SNF8: variants seen among roughly 807,000 people sequenced by gnomAD.
The protein encoded by SNF8 is vacuolar-sorting protein SNF8.
In SNF8, 19 loss-of-function variants were observed where a neutral mutation model predicts 36.8. The ratio of observed to expected loss-of-function variants is 0.52; its 90% confidence interval spans 0.36 to 0.76. The LOEUF is 0.76. SNF8 is among the 30% of genes least tolerant of loss of function. The pLI is 0.00. For synonymous variants in SNF8, 127 were observed against 127.4 expected (o/e 1.00, Z 0.02); for missense variants, 268 against 322.9 (o/e 0.83, Z 1.30).
chr17:48,936,458 AC>A, intron 4 of SNF8, among the ~76,000 whole-genome samples: 1 of 152,354 alleles, frequency 6.6e-6, no homozygotes, highest in Non-Finnish European at 1.5e-5. Flanking sequence ...AAATCTAAAA[AC>A]AAAAGCAGTA....
chr17:48,938,949 A>G (rs2040979397), intron 3 of SNF8, among the ~76,000 whole-genome samples: 1 of 151,704 alleles, frequency 6.6e-6, no homozygotes, highest in African/African-American at 2.4e-5. Context: ...ATTGTTATTC[A>G]TTGTTTGAGA....
intron 5 of SNF8, 186 bp from the exon 6 acceptor site, chr17:48,933,532 A>G: frequency 1.6e-6 from 1 of 628,916 alleles, no homozygotes; most frequent in South Asian, 2.0e-5. Flanking sequence ...GCTTGAGCCC[A>G]GGGGTTAGAG....
At chr17:48,944,127 C>G (rs917811442) in intron 1 of SNF8, 152 bp from the exon 2 acceptor site, 7 of 629,868 alleles carry the variant, frequency 1.1e-5, no homozygotes, top group African/African-American at 5.5e-5. Context: ...ACAGTGAAAC[C>G]CCGTCTCTAC....
intron 4 of SNF8, chr17:48,936,677 C>T (rs2040938726): frequency 5.8e-6 from 2 of 346,066 alleles, no homozygotes. Context: ...TCCCATACGT[C>T]GGAGAGACAG....
intron 3 of SNF8, chr17:48,937,390 C>G (rs1273110957): frequency 3.5e-6 from 2 of 575,896 alleles, no homozygotes; most frequent in Non-Finnish European, 6.5e-6. Flanking sequence ...CACTTTGGGA[C>G]ATCGAGCTAG....
chr17:48,944,580 G>C, intron 1 of SNF8, 101 bp downstream of exon 1: 1 of 1,317,768 alleles, frequency 7.6e-7, no homozygotes, highest in Non-Finnish European at 1.1e-6. Context: ...GCCAGTCTCA[G>C]ATTCTGTTGG....
chr17:48,932,988 A>C, intron 6 of SNF8: 1 of 454,084 alleles, frequency 2.2e-6, no homozygotes, highest in South Asian at 5.6e-5. Context: ...TGAGAGCAGG[A>C]ATTTTATCAT....
intron 2 of SNF8, among the ~76,000 whole-genome samples, chr17:48,942,382 T>C (rs2041043196): frequency 6.6e-6 from 1 of 152,050 alleles, no homozygotes; most frequent in South Asian, 2.1e-4. Flanking sequence ...AATCACCATT[T>C]TCAGTTGATT....
chr17:48,930,759 T>A, intron 7 of SNF8, 147 bp from the exon 8 acceptor site: 1 of 814,036 alleles, frequency 1.2e-6, no homozygotes, highest in Non-Finnish European at 1.9e-6. Flanking sequence ...CACAACCAAC[T>A]AAACGAGCTG....
rs781489534 is a variant in SNF8 at position 48,943,912 on chromosome 17, C to A, written c.105+13G>T. ...GGTCTCCCTCCCTGCCTGGGGCCCC[C>A]CAACCGACTTACCTGGGCTAGCTGG... On this transcript the variant is annotated intron_variant, in intron 2 of 7. Transcript: ENST00000502492. The A allele has an allele frequency of 6.2e-7, 1 of 1,613,870 alleles. No homozygotes were observed. The highest frequency in any genetic ancestry group is 1.1e-5 in the South Asian group (1 of 91,086).
Position 48,942,324 on chromosome 17 carries a change from C to T in SNF8, c.106-1262G>A, listed in dbSNP as rs186027562. 4.6e-3 allele frequency among the ~76,000 whole-genome samples: 616 copies of T among 133,908 alleles called. 8 individuals are homozygous for T. Among genetic ancestry groups the T allele is most frequent in the African/African-American group, 0.019 (595 of 30,944 alleles). 87.8% of individuals were successfully genotyped at this position (133,908 alleles called of 152,430 possible). On this transcript the variant is annotated intron_variant, in intron 2 of 7. Transcript: ENST00000502492. Reference sequence around the variant, plus strand: ...TGCACTCCAGCCTGGGCAACAAGAGCGAAACTTGGTCTCAAAAAAAAAAAA... The same window carrying T: ...TGCACTCCAGCCTGGGCAACAAGAGTGAAACTTGGTCTCAAAAAAAAAAAA...
intron 2 of SNF8, among the ~76,000 whole-genome samples, chr17:48,942,025 A>G (rs1169921917): frequency 6.6e-6 from 1 of 152,072 alleles, no homozygotes; most frequent in African/African-American, 2.4e-5. Flanking sequence ...TTAAAAAAAC[A>G]AAAAACTTTT....
At chr17:48,938,583 G>C (rs1023364654) in intron 3 of SNF8, among the ~76,000 whole-genome samples, 1 of 148,998 alleles carries the variant, frequency 6.7e-6, no homozygotes, top group Non-Finnish European at 1.5e-5. Context: ...ACAAAGTTGG[G>C]GCCACGCCAG....
intron 1 of SNF8, among the ~76,000 whole-genome samples, 179 bp downstream of exon 1, chr17:48,944,502 G>C (rs1379943762): frequency 6.6e-6 from 1 of 152,206 alleles, no homozygotes; most frequent in Admixed American, 6.5e-5. Context: ...TGGGAGAAAG[G>C]GCTGGGCATC....
Position 48,930,436 on chromosome 17 carries a change from C to T in SNF8, c.*39G>A. The T allele has an allele frequency of 6.8e-6, 10 of 1,476,456 alleles. No homozygotes were observed. The East Asian group carries it at 7.2e-5, about 11-fold the overall frequency. The allele number at this position is 1,476,456 out of a possible 1,614,324, so 91.5% of individuals were successfully genotyped here. A position where few individuals can be genotyped will look rare whatever the true frequency, so the allele number is the denominator to read the frequency against. On this transcript the variant is annotated 3_prime_UTR_variant, in exon 8 of 8. Transcript: ENST00000502492. Reference sequence around the variant, plus strand: ...GCCCAGGTTTATTTGCCACCTCCGCCTCCTCCCTGCCTGCTGCTGTGTGCC... The same window carrying T: ...GCCCAGGTTTATTTGCCACCTCCGCTTCCTCCCTGCCTGCTGCTGTGTGCC...
chr17:48,939,877 C>A (rs1006780291), intron 3 of SNF8, among the ~76,000 whole-genome samples: 1 of 151,742 alleles, frequency 6.6e-6, no homozygotes, highest in Non-Finnish European at 1.5e-5. Context: ...GAGTTGAAGA[C>A]CAAACTGGGC....
At chr17:48,940,656 C>T (rs922563443) in intron 3 of SNF8, among the ~76,000 whole-genome samples, 6 of 151,960 alleles carry the variant, frequency 3.9e-5, no homozygotes, top group Non-Finnish European at 7.4e-5. Flanking sequence ...TGGACGTGGT[C>T]GCGAGCACCT....
At chr17:48,934,196 G>A (rs188941271) in intron 5 of SNF8, among the ~76,000 whole-genome samples, 32 of 152,300 alleles carry the variant, frequency 2.1e-4, no homozygotes, top group African/African-American at 7.7e-4. Flanking sequence ...GCACTTTTAG[G>A]TAGATTGGAA....
chr17:48,930,742 A>T lies in SNF8; in HGVS notation c.640-130T>A, dbSNP rs2040847056. 4 of 923,080 alleles carry T rather than the reference A, an allele frequency of 4.3e-6. No individual in the cohort carries two copies. The South Asian group carries it at 7.3e-5, about 17-fold the overall frequency. 57.2% of individuals were successfully genotyped at this position (923,080 alleles called of 1,614,324 possible). Reference sequence around the variant, plus strand: ...AACTAAATCTACTAAGTGCCTTCAAACCTTTACACAACCAACTAAACGAGC... The same window carrying T: ...AACTAAATCTACTAAGTGCCTTCAATCCTTTACACAACCAACTAAACGAGC... On this transcript the variant is annotated intron_variant, in intron 7 of 7. Transcript: ENST00000502492.
Sources: allele counts gnomAD v4.1 joint callset (sites outside exome capture counted in the v4.1 genomes callset), GRCh38; gene constraint gnomAD v4.1.1; transcripts MANE v1.5; gene names NCBI Gene and HGNC (gene_info 2026-07-23, HGNC 2026-07-21).